Variants in PTPRN2 observed in about 807,000 individuals in gnomAD.
PTPRN2 encodes the protein protein tyrosine phosphatase receptor type N2.
PTPRN2 carries 74 observed loss-of-function variants against 118.8 expected under a neutral mutation model. That is an observed-to-expected ratio of 0.62 (90% CI 0.52 to 0.76). The LOEUF (loss-of-function observed/expected upper bound fraction) is 0.76. Ranked by LOEUF, PTPRN2 falls within the 30% of genes least tolerant of loss-of-function variation. The pLI is 0.00. For missense variants in PTPRN2, 1,481 were observed against 1,394.4 expected, an observed-to-expected ratio of 1.06 and a Z score of -0.99; for synonymous variants, 641 against 608.0, an observed-to-expected ratio of 1.05 and a Z score of -0.80.
At chr7:158,202,729 C>T (rs1227743947) in intron 4 of PTPRN2, among the ~76,000 whole-genome samples, 1 of 152,158 alleles carries the variant, frequency 6.6e-6, no homozygotes, top group Non-Finnish European at 1.5e-5. Flanking sequence ...ATTTAGAAAT[C>T]CAACCTACAG....
intron 3 of PTPRN2, among the ~76,000 whole-genome samples, chr7:158,235,632 G>T (rs1299644270): frequency 6.6e-6 from 1 of 152,132 alleles, no homozygotes; most frequent in Non-Finnish European, 1.5e-5. Flanking sequence ...ATTGACTAAT[G>T]GCTACAAATA....
chr7:157,860,231 A>G (rs1810126376), intron 12 of PTPRN2, among the ~76,000 whole-genome samples: 2 of 152,196 alleles, frequency 1.3e-5, no homozygotes, highest in Non-Finnish European at 2.9e-5. Context: ...CGATCTCTGC[A>G]TACCCTGGAT....
At chr7:158,312,079 GCACT>G (rs1801817130) in intron 3 of PTPRN2, among the ~76,000 whole-genome samples, 1 of 104,274 alleles carries the variant, frequency 9.6e-6, no homozygotes, top group Non-Finnish European at 1.9e-5. Flanking sequence ...ACACACACGT[GCACT>G]CATTCACATG....
chr7:157,559,247 G>A (rs776559387), intron 21 of PTPRN2, among the ~76,000 whole-genome samples: 6 of 152,186 alleles, frequency 3.9e-5, no homozygotes, highest in South Asian at 2.1e-4. Context: ...CGCTAGGAAC[G>A]GACGCTTGGG....
chr7:157,872,210 C>G (rs1234917821), intron 12 of PTPRN2, among the ~76,000 whole-genome samples: 1 of 143,730 alleles, frequency 7.0e-6, no homozygotes, highest in Non-Finnish European at 1.5e-5. Context: ...TACCCAGTGT[C>G]CTCCGCATAC....
chr7:158,216,188 A>G (rs1563614924), intron 3 of PTPRN2, among the ~76,000 whole-genome samples: 1 of 152,196 alleles, frequency 6.6e-6, no homozygotes, highest in African/African-American at 2.4e-5. Flanking sequence ...ATGTATATGA[A>G]TATTATATCT....
At chr7:157,557,176 G>T (rs1030601786) in intron 21 of PTPRN2, among the ~76,000 whole-genome samples, 5 of 147,372 alleles carry the variant, frequency 3.4e-5, no homozygotes, top group African/African-American at 1.3e-4. Context: ...TATATACACA[G>T]GCATGCACAC....
rs1344485823 is a variant in PTPRN2 at position 158,188,445 on chromosome 7, C to CG, written c.549+3881_549+3882insC. Among the ~76,000 whole-genome samples, 4 of 7,318 alleles carry CG rather than the reference C, an allele frequency of 5.5e-4. 2 individuals are homozygous for CG. Among genetic ancestry groups the CG allele is most frequent in the African/African-American group, 4.2e-3 (2 of 474 alleles). The allele number at this position is 7,318 out of a possible 152,430, so 4.8% of individuals were successfully genotyped here. A position where few individuals can be genotyped will look rare whatever the true frequency, so the allele number is the denominator to read the frequency against. On this transcript the variant is annotated intron_variant, in intron 5 of 22. Transcript: ENST00000389418. ...TGATGGGGAAGGCCGCCACGCTCGC[C>CG]CCCGATGGGGAAGGCCGCCACGCTC...
In PTPRN2 at chr7:157,582,645, G is replaced by A. The variant is rs559794251; in HGVS notation, c.2497-4505C>T. 1.1e-3 allele frequency among the ~76,000 whole-genome samples: 167 copies of A among 152,228 alleles called. 1 individual carries two copies. Among genetic ancestry groups the A allele is most frequent in the African/African-American group, 3.9e-3 (163 of 41,550 alleles). The stretch of plus-strand genomic sequence containing the variant: ...AATCCCAGCACTTTGGGAGGCCGAG[G>A]CAGGTGGATCACGAGGTCAGGAGTT... On this transcript the variant is annotated intron_variant, in intron 17 of 22. Transcript: ENST00000389418.
chr7:158,117,011 T>A (rs969405156), intron 9 of PTPRN2, among the ~76,000 whole-genome samples: 6 of 151,788 alleles, frequency 4.0e-5, no homozygotes, highest in African/African-American at 1.5e-4. Flanking sequence ...CAACAAAAAA[T>A]TGCAAGAAAC....
intron 17 of PTPRN2, among the ~76,000 whole-genome samples, chr7:157,579,147 A>T (rs558361323): frequency 6.6e-6 from 1 of 152,376 alleles, no homozygotes; most frequent in Admixed American, 6.5e-5. Flanking sequence ...ATATTTTAAA[A>T]ATCAGACACA....
At chr7:158,355,229 T>C (rs1220187450) in intron 2 of PTPRN2, among the ~76,000 whole-genome samples, 2 of 152,174 alleles carry the variant, frequency 1.3e-5, no homozygotes, top group African/African-American at 2.4e-5. Flanking sequence ...AGAGGGCAGA[T>C]TCTCATTCCA....
At chr7:158,412,800 C>G (rs1814266069) in intron 2 of PTPRN2, among the ~76,000 whole-genome samples, 1 of 139,528 alleles carries the variant, frequency 7.2e-6, no homozygotes, top group Non-Finnish European at 1.6e-5. Context: ...TCCTCAGCTC[C>G]AGGGCCCATC....
At position 157,621,378 on chromosome 7, in the gene PTPRN2, G is replaced by T; in HGVS notation, c.2328C>A (p.Ser776=). The change falls in exon 15 of 23, where the codon TCC becomes TCA. Residue 776 remains serine (S), a synonymous_variant. Transcript: ENST00000389418. The part of the protein sequence containing the change: ...QREENVPKNR[S]LAVLTYDHSR... Reference sequence around the variant, plus strand: ...GGTACGTACAGGTCAGCACGGCCAGGGAGCGGTTCTTGGGCACGTTCTCCT... The same window carrying T: ...GGTACGTACAGGTCAGCACGGCCAGTGAGCGGTTCTTGGGCACGTTCTCCT... 1 of 1,525,394 alleles carries T rather than the reference G, an allele frequency of 6.6e-7. No homozygotes were observed. Among genetic ancestry groups the T allele is most frequent in the Non-Finnish European group, 9.0e-7 (1 of 1,115,440 alleles). The allele number at this position is 1,525,394 out of a possible 1,614,324, so 94.5% of individuals were successfully genotyped here.
At chr7:158,333,302 T>A (rs796259681) in intron 2 of PTPRN2, among the ~76,000 whole-genome samples, 28 of 46,124 alleles carry the variant, frequency 6.1e-4, no homozygotes, top group South Asian at 1.3e-3. Context: ...AGAGGTGACA[T>A]CTGCAGACGT....
At chr7:157,722,748 G>A (rs1333078291) in intron 12 of PTPRN2, among the ~76,000 whole-genome samples, 1 of 152,284 alleles carries the variant, frequency 6.6e-6, no homozygotes, top group East Asian at 1.9e-4. Context: ...GCAGCCTAGA[G>A]AGGAGTAGAG....
chr7:157,961,085 A>C (rs1037601500), intron 11 of PTPRN2, among the ~76,000 whole-genome samples: 2 of 152,272 alleles, frequency 1.3e-5, no homozygotes, highest in African/African-American at 4.8e-5. Context: ...ATTCTCAATT[A>C]TATTAAAATA....
At chr7:158,323,925 A>G (rs748269573) in intron 2 of PTPRN2, among the ~76,000 whole-genome samples, 4 of 151,990 alleles carry the variant, frequency 2.6e-5, no homozygotes, top group African/African-American at 4.8e-5. Context: ...ACACTCACAC[A>G]TACACACACT....
intron 12 of PTPRN2, among the ~76,000 whole-genome samples, chr7:157,821,195 G>C (rs1008635747): frequency 1.3e-5 from 2 of 152,248 alleles, no homozygotes; most frequent in Non-Finnish European, 2.9e-5. Flanking sequence ...ACTCACCTGT[G>C]AACAGTGCTG....
Sources: gnomAD v4.1 joint callset for allele counts (sites outside exome capture counted in the v4.1 genomes callset) on GRCh38, gnomAD v4.1.1 for gene constraint, MANE v1.5 for transcripts, NCBI Gene and HGNC (gene_info 2026-07-23, HGNC 2026-07-21) for gene names.